Variants in EML6 observed in about 807,000 individuals in gnomAD.
EML6 encodes EMAP like 6.
Under a neutral mutation model 240.1 loss-of-function variants are expected in EML6, and 154 were observed. That is an observed-to-expected ratio of 0.64 (90% CI 0.56 to 0.73). EML6 has a LOEUF of 0.73. EML6 is among the 30% of genes least tolerant of loss of function. The pLI is 0.00. For missense variants in EML6, 2,964 were observed against 2,474.6 expected (o/e 1.20, Z -4.20); for synonymous variants, 1,148 against 899.0 (o/e 1.28, Z -4.95).
intron 28 of EML6, among the ~76,000 whole-genome samples, chr2:54,940,291 CAAAA>C (rs1355684937): frequency 6.6e-6 from 1 of 152,040 alleles, no homozygotes; most frequent in Non-Finnish European, 1.5e-5. Flanking sequence ...TGAACTGAAA[CAAAA>C]AGAAAGTTCT....
intron 12 of EML6, among the ~76,000 whole-genome samples, chr2:54,860,204 G>C (rs1338927281): frequency 6.6e-6 from 1 of 152,168 alleles, no homozygotes; most frequent in Non-Finnish European, 1.5e-5. Flanking sequence ...AGAATGGTTT[G>C]GACCTCACAC....
chr2:54,827,343 T>C (rs982454628), intron 5 of EML6, among the ~76,000 whole-genome samples: 4 of 152,230 alleles, frequency 2.6e-5, no homozygotes, highest in South Asian at 4.1e-4. Context: ...TTTGGAACTT[T>C]GAAAGTTTTA....
rs189536533 is a variant in EML6, at chr2:54,863,801, A to T, written c.1844A>T (p.Tyr615Phe). ...TCTGCAGAAGGTGGAGCTGATTCCT[A>T]CAGTGAAGAATCTGATTCAGATTTA... ...TAPQEGGADS[Y>F]SEESDSDLSD... Residue 615 changes from tyrosine (Y) to phenylalanine (F), a missense_variant, in exon 13 of 42, where the codon TAC becomes TTC. Tyr to Phe is a conservative substitution (Grantham distance 22, BLOSUM62 3). Coordinates refer to ENST00000356458, the MANE Select transcript of EML6 (RefSeq NM_001039753.4). 3.9e-4 allele frequency: 607 copies of T among 1,544,886 alleles called. 3 individuals are homozygous for T. In the African/African-American group the frequency reaches 7.8e-3, roughly 20 times the overall value.
intron 2 of EML6, among the ~76,000 whole-genome samples, chr2:54,779,924 AG>A (rs1194091044): frequency 2.0e-5 from 3 of 151,394 alleles, no homozygotes; most frequent in African/African-American, 7.3e-5. Flanking sequence ...AGAGGGAGAG[AG>A]GGAAAAAATA....
chr2:54,814,540 G>GTC (rs1174678088), intron 3 of EML6, among the ~76,000 whole-genome samples: 3 of 152,220 alleles, frequency 2.0e-5, no homozygotes, highest in African/African-American at 7.2e-5. Flanking sequence ...CCCTTCCTCT[G>GTC]TCTCTCTCAC....
At chr2:54,823,713 C>G (rs1440790095) in intron 5 of EML6, among the ~76,000 whole-genome samples, 1 of 152,104 alleles carries the variant, frequency 6.6e-6, no homozygotes, top group Non-Finnish European at 1.5e-5. Context: ...ATCATCCATC[C>G]TGTACTCAGT....
At chr2:54,789,263 C>T (rs1010201295) in intron 2 of EML6, among the ~76,000 whole-genome samples, 8 of 151,950 alleles carry the variant, frequency 5.3e-5, no homozygotes, top group Middle Eastern at 3.2e-3. Context: ...CTTGTAATCC[C>T]AGCACTTTGG....
chr2:54,900,874 C>T (rs926582859), intron 22 of EML6, among the ~76,000 whole-genome samples: 1 of 152,124 alleles, frequency 6.6e-6, no homozygotes. Context: ...ACATCTACTG[C>T]TTGGAAATGC....
intron 7 of EML6, among the ~76,000 whole-genome samples, chr2:54,840,282 G>T (rs960709847): frequency 3.8e-5 from 5 of 131,052 alleles, no homozygotes; most frequent in Admixed American, 1.6e-4. Flanking sequence ...CTGGAAAAGG[G>T]CCGTGTCTTT....
At chr2:54,922,530 C>T (rs1027839866) in intron 26 of EML6, among the ~76,000 whole-genome samples, 2 of 152,196 alleles carry the variant, frequency 1.3e-5, no homozygotes, top group African/African-American at 4.8e-5. Flanking sequence ...TTCAGTAATC[C>T]CACTTCTGGG....
At chr2:54,962,775 C>CTT in intron 36 of EML6, 64 bp downstream of exon 36, 1 of 1,327,000 alleles carries the variant, frequency 7.5e-7, no homozygotes, top group East Asian at 2.8e-5. Context: ...GGGAGCTGAG[C>CTT]GAGGAGAGGC....
chr2:54,897,608 C>A (rs1327074364), intron 21 of EML6, among the ~76,000 whole-genome samples: 4 of 152,168 alleles, frequency 2.6e-5, no homozygotes, highest in Non-Finnish European at 5.9e-5. Flanking sequence ...AGCCCCTGAG[C>A]TATGGGGTGG....
chr2:54,763,228 T>C (rs1668051992), intron 2 of EML6, among the ~76,000 whole-genome samples: 1 of 152,254 alleles, frequency 6.6e-6, no homozygotes, highest in South Asian at 2.1e-4. Context: ...AGTTCTTTTA[T>C]ATTTCTTTAC....
chr2:54,813,323 ACTGTGTCT>A lies in EML6; in HGVS notation c.292_299del (p.Val98SerfsTer2). On this transcript the variant is annotated frameshift_variant, in exon 3 of 42. Transcript: ENST00000356458. LOFTEE classifies it high-confidence loss of function. ...CATATGGGATTCCTATAATGTCCAG[ACTGTGTCT>A]CTTCTTAAAGATGTCCATACACATG... 1 of 1,551,510 alleles carries A rather than the reference ACTGTGTCT, an allele frequency of 6.4e-7. No individual in the cohort carries two copies. The highest frequency in any genetic ancestry group is 8.7e-7 in the Non-Finnish European group (1 of 1,146,724).
At chr2:54,794,056 G>A (rs1331224102) in intron 2 of EML6, among the ~76,000 whole-genome samples, 1 of 152,142 alleles carries the variant, frequency 6.6e-6, no homozygotes, top group Non-Finnish European at 1.5e-5. Context: ...TTTCCACTTT[G>A]CTGGCAGTGT....
chr2:54,882,949 C>T (rs1474126519), intron 17 of EML6: 2 of 150,450 alleles, frequency 1.3e-5, no homozygotes, highest in African/African-American at 4.9e-5. Flanking sequence ...TCTGTATTAG[C>T]TTCATCGCTT....
At chr2:54,943,334 C>T (rs1221280321) in intron 28 of EML6, among the ~76,000 whole-genome samples, 2 of 152,164 alleles carry the variant, frequency 1.3e-5, no homozygotes, top group East Asian at 1.9e-4. Flanking sequence ...CCTGTCCATC[C>T]ATGCTCCCTC....
At chr2:54,960,814 A>G (rs1023437268) in intron 35 of EML6, among the ~76,000 whole-genome samples, 5 of 152,106 alleles carry the variant, frequency 3.3e-5, no homozygotes, top group African/African-American at 7.2e-5. Context: ...ATCAAAAACA[A>G]CTGTCGGGTT....
intron 24 of EML6, among the ~76,000 whole-genome samples, chr2:54,904,816 C>A (rs926831932): frequency 6.6e-6 from 1 of 152,106 alleles, no homozygotes; most frequent in South Asian, 2.1e-4. Context: ...ATCAGGAGAA[C>A]GATGATGAAG....
Sources: gnomAD v4.1 joint callset for allele counts (sites outside exome capture counted in the v4.1 genomes callset) on GRCh38, gnomAD v4.1.1 for gene constraint, MANE v1.5 for transcripts, NCBI Gene and HGNC (gene_info 2026-07-23, HGNC 2026-07-21) for gene names.